LRP1: variants seen among roughly 807,000 people sequenced by gnomAD.
The protein encoded by LRP1 is prolow-density lipoprotein receptor-related protein 1.
A neutral mutation model predicts 541.5 loss-of-function variants in LRP1; 51 were observed. That is an observed-to-expected ratio of 0.09 (90% CI 0.08 to 0.12). The LOEUF (loss-of-function observed/expected upper bound fraction) is 0.12. Ranked by LOEUF, LRP1 falls within the 10% of genes least tolerant of loss-of-function variation. The pLI, the probability that LRP1 is intolerant of heterozygous loss-of-function variation, is 1.00. For missense variants in LRP1, 3,878 were observed against 6,376.2 expected (o/e 0.61, Z 13.34); for synonymous variants, 2,219 against 2,470.8 (o/e 0.90, Z 3.02).
At chr12:57,186,683 C>T (rs1345430110) in intron 41 of LRP1, among the ~76,000 whole-genome samples, 38 of 152,198 alleles carry the variant, frequency 2.5e-4, no homozygotes, top group Admixed American at 2.5e-3. Flanking sequence ...GAGAGACTGG[C>T]ACATCAATCC....
rs2036204211 is a variant in LRP1 at position 57,183,284 on chromosome 12, A to G, written c.5663-95A>G. ...AGGGATGATGGTGGGGGGGGATGAT[A>G]TCAAAGGAGAAGCAGAGAACAGTTG... On this transcript the variant is annotated intron_variant, in intron 34 of 88. Transcript: ENST00000243077. This position sits in a 1 kb window ranked among gnomAD's most constrained non-coding sequence, Gnocchi z 6.1. The G allele has an allele frequency of 7.5e-7, 1 of 1,336,558 alleles. No homozygotes were observed. Among genetic ancestry groups the G allele is most frequent in the Non-Finnish European group, 1.0e-6 (1 of 956,472 alleles). 82.8% of individuals were successfully genotyped at this position (1,336,558 alleles called of 1,614,324 possible). A position where few individuals can be genotyped will look rare whatever the true frequency, so the allele number is the denominator to read the frequency against.
chr12:57,153,362 A>G (rs143006444), intron 6 of LRP1, among the ~76,000 whole-genome samples: 63 of 152,030 alleles, frequency 4.1e-4, no homozygotes, highest in Non-Finnish European at 6.3e-4. Context: ...GGCTTCTTCC[A>G]TCTCCTCCAG....
Position 57,189,527 on chromosome 12 carries a change from G to T in LRP1, c.7032-1278G>T, listed in dbSNP as rs2036333704. Among the ~76,000 whole-genome samples the T allele has an allele frequency of 6.6e-6, 1 of 152,170 alleles. No homozygotes were observed. Among genetic ancestry groups the T allele is most frequent in the Non-Finnish European group, 1.5e-5 (1 of 68,038 alleles). On this transcript the variant is annotated intron_variant, in intron 42 of 88. Transcript: ENST00000243077. This position sits in a 1 kb window ranked among gnomAD's most constrained non-coding sequence, Gnocchi z 4.4. ...GCTCAGGGCAGCCAGTGTCTCCAGA[G>T]GGGCAGAGCAGCACCATTTTCCTAC...
At chr12:57,146,357 C>T (rs1175605184) in intron 6 of LRP1, 1 of 152,200 alleles carries the variant, frequency 6.6e-6, no homozygotes, top group African/African-American at 2.4e-5. Context: ...ACCAGAATTC[C>T]CATCTCTGCC....
At chr12:57,157,013 G>A in intron 10 of LRP1, 93 bp downstream of exon 10, 3 of 1,400,604 alleles carry the variant, frequency 2.1e-6, no homozygotes, top group South Asian at 3.0e-5. Context: ...TGTCTGACAT[G>A]CAGGGAGATG....
chr12:57,196,301 C>A, intron 55 of LRP1, 24 bp downstream of exon 55: 2 of 1,538,950 alleles, frequency 1.3e-6, no homozygotes, highest in Admixed American at 1.9e-5. Context: ...TGGGGAGGAG[C>A]TTCCACACCC....
Position 57,183,884 on chromosome 12 carries a change from G to A in LRP1, c.5904G>A (p.Glu1968=), listed in dbSNP as rs745414435. The A allele has an allele frequency of 1.3e-5, 21 of 1,614,208 alleles. No individual in the cohort carries two copies. The highest frequency in any genetic ancestry group is 1.7e-5 in the Non-Finnish European group (20 of 1,180,054). The part of the protein sequence containing the change: ...DVVTNGIGRV[E]GIAVDWIAGN... The stretch of plus-strand genomic sequence containing the variant: ...TGACCAATGGCATTGGCCGTGTGGA[G>A]GGCATTGCAGTGGACTGGATCGCAG... Residue 1968 remains glutamate (E), a synonymous_variant, in exon 36 of 89, where the codon GAG becomes GAA. Coordinates refer to ENST00000243077, the MANE Select transcript of LRP1 (RefSeq NM_002332.3). This position sits in a 1 kb window ranked among gnomAD's most constrained non-coding sequence, Gnocchi z 6.1.
In LRP1 at chr12:57,185,108, C is replaced by T. The variant is rs144748998; in HGVS notation, c.6366C>T (p.Arg2122=). The T allele has an allele frequency of 1.1e-5, 18 of 1,613,972 alleles. No homozygotes were observed. The highest frequency in any genetic ancestry group is 6.7e-5 in the East Asian group (3 of 44,896). ...CTCATGCCAACGGCTCTATCAAGCGCGGGAGCAAAGACAATGCCACAGACT... is the reference window on the plus strand; with the variant it reads ...CTCATGCCAACGGCTCTATCAAGCGTGGGAGCAAAGACAATGCCACAGACT... ...DRTHANGSIK[R]GSKDNATDSV... The change falls in exon 40 of 89, where the codon CGC becomes CGT. Residue 2122 remains arginine (R), a synonymous_variant. Coordinates refer to ENST00000243077, the MANE Select transcript of LRP1 (RefSeq NM_002332.3). This position sits in a 1 kb window ranked among gnomAD's most constrained non-coding sequence, Gnocchi z 4.9.
chr12:57,212,264 G>A lies in LRP1; in HGVS notation c.13494+3G>A. Reference sequence around the variant, plus strand: ...ACTTTGCCCTGGACCCTGACAAGGTGGGCTGGGAGGCGGGCAGGGTCGAGT... The same window carrying A: ...ACTTTGCCCTGGACCCTGACAAGGTAGGCTGGGAGGCGGGCAGGGTCGAGT... On this transcript the variant is annotated splice_donor_region_variant and intron_variant, in intron 88 of 88. Transcript: ENST00000243077. This position sits in a 1 kb window ranked among gnomAD's most constrained non-coding sequence, Gnocchi z 5.0. The A allele has an allele frequency of 6.2e-7, 1 of 1,612,966 alleles. No homozygotes were observed.
chr12:57,205,756 A>G lies in LRP1; in HGVS notation c.11590+79A>G. 2.5e-6 allele frequency: 4 copies of G among 1,570,916 alleles called. No individual in the cohort carries two copies. The highest frequency in any genetic ancestry group is 3.4e-6 in the Non-Finnish European group (4 of 1,161,532). ...ATCAAACGGGGCCGACTTGGAATGG[A>G]ATGTCTTCCTGCGGACATCTTGCCC... is the stretch of plus-strand genomic sequence containing the variant. On this transcript the variant is annotated intron_variant, in intron 75 of 88. Transcript: ENST00000243077. The surrounding 1 kb of genome is among the most constrained non-coding windows in gnomAD (Gnocchi z 4.6).
At chr12:57,132,597 C>T (rs1311564074) in intron 1 of LRP1, among the ~76,000 whole-genome samples, 2 of 152,360 alleles carry the variant, frequency 1.3e-5, no homozygotes, top group East Asian at 3.9e-4. Flanking sequence ...GAGCCCCCTT[C>T]CTGGCTTTTC....
At chr12:57,203,890 G>T in intron 70 of LRP1, 2 of 243,554 alleles carry the variant, frequency 8.2e-6, no homozygotes, top group Non-Finnish European at 1.6e-5. Context: ...CTTCCTGGGG[G>T]CAGTGAGACA....
At chr12:57,130,251 C>T (rs2035010510) in intron 1 of LRP1, among the ~76,000 whole-genome samples, 1 of 152,162 alleles carries the variant, frequency 6.6e-6, no homozygotes, top group Non-Finnish European at 1.5e-5. Flanking sequence ...CCTCCTCTGT[C>T]TTGCCAGATT....
At position 57,179,315 on chromosome 12, in the gene LRP1, C is replaced by A. The variant is rs745565806; in HGVS notation, c.4739-14C>A. On this transcript the variant is annotated splice_polypyrimidine_tract_variant and intron_variant, in intron 28 of 88. Transcript: ENST00000243077. The surrounding 1 kb of genome is among the most constrained non-coding windows in gnomAD (Gnocchi z 6.8). The stretch of plus-strand genomic sequence containing the variant: ...GGCAGGGACTGCCTTCAGTGACCAG[C>A]CCATGCCCCACAGAGTTTAAGAAGT... The A allele has an allele frequency of 6.3e-7, 1 of 1,588,650 alleles. No individual in the cohort carries two copies. The highest frequency in any genetic ancestry group is 8.6e-7 in the Non-Finnish European group (1 of 1,157,684).
Position 57,211,030 on chromosome 12 carries a change from G to C in LRP1, c.12917-146G>C. 1 of 1,364,184 alleles carries C rather than the reference G, an allele frequency of 7.3e-7. No homozygotes were observed. Among genetic ancestry groups the C allele is most frequent in the Non-Finnish European group, 1.0e-6 (1 of 1,002,636 alleles). The allele number at this position is 1,364,184 out of a possible 1,614,324, so 84.5% of individuals were successfully genotyped here. ...GCTGAGCCAGGCCCAAGCTGCTGGC[G>C]CTTCCCCACAAAGGTGCTGGCACAC... On this transcript the variant is annotated intron_variant, in intron 83 of 88. Transcript: ENST00000243077. This position sits in a 1 kb window ranked among gnomAD's most constrained non-coding sequence, Gnocchi z 4.3.
Position 57,205,745 on chromosome 12 carries a change from A to C in LRP1, c.11590+68A>C. The C allele has an allele frequency of 1.3e-6, 2 of 1,584,618 alleles. No individual in the cohort carries two copies. The highest frequency in any genetic ancestry group is 1.7e-6 in the Non-Finnish European group (2 of 1,170,400). ...GCGACCAGGATATCAAACGGGGCCG[A>C]CTTGGAATGGAATGTCTTCCTGCGG... On this transcript the variant is annotated intron_variant, in intron 75 of 88. Transcript: ENST00000243077. This position sits in a 1 kb window ranked among gnomAD's most constrained non-coding sequence, Gnocchi z 4.6.
chr12:57,185,732 C>T lies in LRP1; in HGVS notation c.6665C>T (p.Ala2222Val), dbSNP rs1362901174. The T allele has an allele frequency of 6.2e-7, 1 of 1,614,226 alleles. No individual in the cohort carries two copies. Among genetic ancestry groups the T allele is most frequent in the East Asian group, 2.2e-5 (1 of 44,894 alleles). Residue 2222 changes from alanine (A) to valine (V), a missense_variant, in exon 41 of 89, where the codon GCG (alanine) becomes GTG (valine). Ala to Val is a moderately conservative substitution (Grantham distance 64). Transcript: ENST00000243077. This position sits in a 1 kb window ranked among gnomAD's most constrained non-coding sequence, Gnocchi z 4.9. Reference protein sequence around the residue: ...IHLSDERNLNAPVQPFEDPEH... With the variant: ...IHLSDERNLNVPVQPFEDPEH... ...CTGTCGGATGAGCGCAACCTCAATG[C>T]GCCCGTGCAGCCCTTCGAGGACCCT...
rs1401192349 is a variant in LRP1, at chr12:57,180,472, C to T, written c.5379C>T (p.Ala1793=). The T allele has an allele frequency of 6.2e-7, 1 of 1,613,888 alleles. No individual in the cohort carries two copies. Among genetic ancestry groups the T allele is most frequent in the Non-Finnish European group, 8.5e-7 (1 of 1,180,020 alleles). The stretch of plus-strand genomic sequence containing the variant: ...AGCTGGGCAAGGCCACCGCCCTGGC[C>T]ATCATGGGTGAGGGCTGCTGGGCGA... ...RSQLGKATAL[A]IMGDKLWWAD... Residue 1793 remains alanine (A), a synonymous_variant, in exon 32 of 89, where the codon GCC becomes GCT. Transcript: ENST00000243077.
chr12:57,173,451 G>A lies in LRP1; in HGVS notation c.3346+101G>A. 2 of 1,301,266 alleles carry A rather than the reference G, an allele frequency of 1.5e-6. No individual in the cohort carries two copies. Among genetic ancestry groups the A allele is most frequent in the East Asian group, 2.4e-5 (1 of 40,856 alleles). 80.6% of individuals were successfully genotyped at this position (1,301,266 alleles called of 1,614,324 possible). On this transcript the variant is annotated intron_variant, in intron 21 of 88. Transcript: ENST00000243077. This position sits in a 1 kb window ranked among gnomAD's most constrained non-coding sequence, Gnocchi z 4.7. ...GGCAAAGGGGATGGCACTGTGCTGT[G>A]TGGAGTGGTGCTGGGGACAGTGCAA...
Sources: gnomAD v4.1 joint callset for allele counts (sites outside exome capture counted in the v4.1 genomes callset) on GRCh38, gnomAD v4.1.1 for gene constraint, Gnocchi (gnomAD v3.1) non-coding constraint, MANE v1.5 for transcripts, NCBI Gene and HGNC (gene_info 2026-07-23, HGNC 2026-07-21) for gene names.